KAZN: variants seen among roughly 807,000 people sequenced by gnomAD.
KAZN encodes the protein kazrin.
In KAZN, 40 loss-of-function variants were observed where a neutral mutation model predicts 87.4. The observed-to-expected ratio is 0.46, with a 90% CI of 0.36 to 0.60. KAZN has a LOEUF of 0.60. Ranked by LOEUF, KAZN falls within the 20% of genes least tolerant of loss-of-function variation. The pLI, the probability that KAZN is intolerant of heterozygous loss-of-function variation, is 0.00. For missense variants in KAZN, 898 were observed against 1,073.9 expected, an observed-to-expected ratio of 0.84 and a Z score of 2.29; for synonymous variants, 466 against 458.3, an observed-to-expected ratio of 1.02 and a Z score of -0.22.
At chr1:14,340,466 C>A (rs1657596301) in intron 2 of KAZN, among the ~76,000 whole-genome samples, 1 of 152,204 alleles carries the variant, frequency 6.6e-6, no homozygotes, top group Non-Finnish European at 1.5e-5. Context: ...TTGGGTGTAA[C>A]CCCCAGTTCT....
At chr1:14,570,005 T>G (rs945610224) in intron 2 of KAZN, among the ~76,000 whole-genome samples, 9 of 151,950 alleles carry the variant, frequency 5.9e-5, no homozygotes, top group Non-Finnish European at 1.2e-4. Flanking sequence ...CCCAGCTCAT[T>G]GGGAGGCCGC....
At chr1:14,056,455 T>G (rs973544034) in intron 1 of KAZN, among the ~76,000 whole-genome samples, 1 of 152,130 alleles carries the variant, frequency 6.6e-6, no homozygotes. Flanking sequence ...ACAAACAGAT[T>G]TCCCCTGGAG....
At chr1:14,521,048 C>T (rs1309414548) in intron 2 of KAZN, among the ~76,000 whole-genome samples, 1 of 152,196 alleles carries the variant, frequency 6.6e-6, no homozygotes, top group African/African-American at 2.4e-5. Context: ...GTACTCCCCA[C>T]TCTTGGAAGA....
At chr1:14,546,872 T>C (rs1673179761) in intron 2 of KAZN, among the ~76,000 whole-genome samples, 1 of 152,182 alleles carries the variant, frequency 6.6e-6, no homozygotes, top group Non-Finnish European at 1.5e-5. Flanking sequence ...ACATTGTAAC[T>C]GAAGTCTTAC....
intron 1 of KAZN, among the ~76,000 whole-genome samples, chr1:14,091,134 G>T (rs963053911): frequency 2.6e-4 from 31 of 118,400 alleles, no homozygotes; most frequent in Non-Finnish European, 5.2e-4. Flanking sequence ...AAAAAAAAAA[G>T]ACTAGAGGAA....
chr1:14,249,442 C>T lies in KAZN; in HGVS notation c.249+68850C>T, dbSNP rs189693225. ...GGTTGAAATTGCAAAATGAATTTATCGACCCACAAAATCAGGAAGTTCCAG... is the reference window on the plus strand; with the variant it reads ...GGTTGAAATTGCAAAATGAATTTATTGACCCACAAAATCAGGAAGTTCCAG... On this transcript the variant is annotated intron_variant, in intron 2 of 16. Transcript: ENST00000636203. Among the ~76,000 whole-genome samples, 145 of 152,278 alleles carry T rather than the reference C, an allele frequency of 9.5e-4. 1 individual carries two copies. Among genetic ancestry groups the T allele is most frequent in the South Asian group, 5.6e-3 (27 of 4,826 alleles).
chr1:14,923,674 C>A lies in KAZN; in HGVS notation c.227-37010C>A. On this transcript the variant is annotated intron_variant, in intron 1 of 14. Coordinates refer to ENST00000376030, the MANE Select transcript of KAZN (RefSeq NM_201628.3). This position sits in a 1 kb window ranked among gnomAD's most constrained non-coding sequence, Gnocchi z 4.2. ...CAGACGGTGGGTGCACTCAGCATTC[C>A]CCTCACTTAGAGGATGGCCGGTCAC... Among the ~76,000 whole-genome samples the A allele has an allele frequency of 6.6e-6, 1 of 152,180 alleles. No homozygotes were observed. Among genetic ancestry groups the A allele is most frequent in the Non-Finnish European group, 1.5e-5 (1 of 68,036 alleles).
intron 2 of KAZN, among the ~76,000 whole-genome samples, chr1:14,452,314 A>C (rs1667321266): frequency 6.6e-6 from 1 of 152,126 alleles, no homozygotes; most frequent in Non-Finnish European, 1.5e-5. Context: ...CACTCTCTGA[A>C]CTTCCATTTT....
At chr1:14,793,625 C>G (rs750097968) in intron 1 of KAZN, among the ~76,000 whole-genome samples, 1 of 152,214 alleles carries the variant, frequency 6.6e-6, no homozygotes, top group African/African-American at 2.4e-5. Flanking sequence ...GGGTGGCACA[C>G]AGTATGTGCT....
intron 1 of KAZN, among the ~76,000 whole-genome samples, chr1:14,147,110 AT>A (rs1457062944): frequency 1.3e-5 from 2 of 152,102 alleles, no homozygotes; most frequent in Non-Finnish European, 2.9e-5. Context: ...AGCTTACTTT[AT>A]TGTAAAGGAT....
At chr1:14,068,189 C>T (rs1288343504) in intron 1 of KAZN, among the ~76,000 whole-genome samples, 1 of 152,140 alleles carries the variant, frequency 6.6e-6, no homozygotes, top group Non-Finnish European at 1.5e-5. Context: ...AAAATTACTG[C>T]AAAGTAGACT....
intron 1 of KAZN, among the ~76,000 whole-genome samples, chr1:13,982,570 C>T (rs895160546): frequency 1.3e-5 from 2 of 152,192 alleles, no homozygotes; most frequent in African/African-American, 4.8e-5. Flanking sequence ...CTGGCTCGGG[C>T]AGCCTGCTTT....
chr1:14,715,737 G>T (rs529914048), intron 1 of KAZN, among the ~76,000 whole-genome samples: 8 of 152,302 alleles, frequency 5.3e-5, no homozygotes, highest in Non-Finnish European at 1.0e-4. Flanking sequence ...TGAACTAAAA[G>T]TATCGCAGCT....
chr1:13,915,967 G>T (rs901350103), intron 1 of KAZN, among the ~76,000 whole-genome samples: 4 of 152,190 alleles, frequency 2.6e-5, no homozygotes, highest in Non-Finnish European at 5.9e-5. Context: ...CTTTGAAAAA[G>T]ACTGGTGTTA....
intron 1 of KAZN, among the ~76,000 whole-genome samples, chr1:14,931,304 C>G (rs902161033): frequency 6.6e-6 from 1 of 151,912 alleles, no homozygotes; most frequent in Non-Finnish European, 1.5e-5. Flanking sequence ...ATGAGCCCAG[C>G]ATGGTGGCGC....
chr1:14,319,824 A>C (rs1332229675), intron 2 of KAZN, among the ~76,000 whole-genome samples: 2 of 151,910 alleles, frequency 1.3e-5, no homozygotes, highest in East Asian at 3.9e-4. Context: ...GGATAAACCC[A>C]CTCCCTGTTT....
chr1:14,665,799 T>C (rs1034649008), intron 1 of KAZN, among the ~76,000 whole-genome samples: 1 of 152,124 alleles, frequency 6.6e-6, no homozygotes, highest in African/African-American at 2.4e-5. Context: ...CTAGTTGTTC[T>C]GTTAAAGCAC....
At chr1:14,904,474 G>A (rs115387449) in intron 1 of KAZN, among the ~76,000 whole-genome samples, 187 of 152,318 alleles carry the variant, frequency 1.2e-3, no homozygotes, top group Non-Finnish European at 2.4e-3. Context: ...TTCCAAACAA[G>A]AGACACCCCA....
At chr1:14,118,864 G>A (rs1021407308) in intron 1 of KAZN, among the ~76,000 whole-genome samples, 3 of 152,170 alleles carry the variant, frequency 2.0e-5, no homozygotes, top group African/African-American at 7.2e-5. Flanking sequence ...AAACATCTGA[G>A]CTGTAATTTG....
Sources: gnomAD v4.1 joint callset for allele counts (sites outside exome capture counted in the v4.1 genomes callset) on GRCh38, gnomAD v4.1.1 for gene constraint, Gnocchi (gnomAD v3.1) non-coding constraint, MANE v1.5 for transcripts, NCBI Gene and HGNC (gene_info 2026-07-23, HGNC 2026-07-21) for gene names.